Variants in INPP5A observed in about 807,000 individuals in gnomAD.
The protein encoded by INPP5A is inositol polyphosphate-5-phosphatase A, also known as 43 kDa inositol polyphosphate 5-phophatase.
In INPP5A, 14 loss-of-function variants were observed where a neutral mutation model predicts 65.2. That is an observed-to-expected ratio of 0.21 (90% CI 0.14 to 0.34). INPP5A has a LOEUF of 0.34. Ranked by LOEUF, INPP5A falls within the 10% of genes least tolerant of loss-of-function variation. The pLI, the probability that INPP5A is intolerant of heterozygous loss-of-function variation, is 1.00. For synonymous variants in INPP5A, 207 were observed against 208.3 expected (o/e 0.99, Z 0.05); for missense variants, 431 against 545.6 (o/e 0.79, Z 2.09).
At chr10:132,557,660 G>A (rs1319820081) in intron 1 of INPP5A, among the ~76,000 whole-genome samples, 1 of 152,204 alleles carries the variant, frequency 6.6e-6, no homozygotes, top group African/African-American at 2.4e-5. Context: ...CAGACTTAGG[G>A]TGTAACCACA....
intron 9 of INPP5A, among the ~76,000 whole-genome samples, chr10:132,737,195 C>T (rs189050264): frequency 2.6e-5 from 4 of 152,364 alleles, no homozygotes; most frequent in East Asian, 3.9e-4. Flanking sequence ...ATCCCACAGC[C>T]ATGAGCGGAC....
At chr10:132,702,514 T>C (rs978128515) in intron 6 of INPP5A, among the ~76,000 whole-genome samples, 1 of 152,220 alleles carries the variant, frequency 6.6e-6, no homozygotes, top group Admixed American at 6.5e-5. Flanking sequence ...ATGCCTTCCA[T>C]TTTTAATGGA....
chr10:132,617,888 CAT>C (rs1252378322), intron 2 of INPP5A, among the ~76,000 whole-genome samples: 2 of 152,232 alleles, frequency 1.3e-5, no homozygotes, highest in East Asian at 1.9e-4. Flanking sequence ...GCAGCAGACA[CAT>C]GTGCGTACAG....
In INPP5A at chr10:132,753,307, A is replaced by T. The variant is rs1165523651; in HGVS notation, c.903+3462A>T. Among the ~76,000 whole-genome samples the T allele has an allele frequency of 3.3e-5, 5 of 152,022 alleles. No individual in the cohort carries two copies. Among genetic ancestry groups the T allele is most frequent in the African/African-American group, 1.2e-4 (5 of 41,454 alleles). ...TCCACGGTCCGGTTAAACACACAGC[A>T]CCGCAGCCATGGAGAGCAAACTCTC... On this transcript the variant is annotated intron_variant, in intron 11 of 15. Coordinates refer to ENST00000368594, the MANE Select transcript of INPP5A (RefSeq NM_005539.5). This position sits in a 1 kb window ranked among gnomAD's most constrained non-coding sequence, Gnocchi z 5.3.
chr10:132,744,560 A>C (rs1269033559), intron 9 of INPP5A, among the ~76,000 whole-genome samples: 1 of 152,104 alleles, frequency 6.6e-6, no homozygotes, highest in Non-Finnish European at 1.5e-5. Flanking sequence ...AGTTTGGAGG[A>C]AAAAAGCCTT....
rs557172070 is a variant in INPP5A at position 132,775,497 on chromosome 10, C to G, written c.978-2174C>G. ...AGCGGTTGTGTGCAGTCCACACTGGCCTTCCCCAGACCCAGCTGGAACCAG... is the reference window on the plus strand; with the variant it reads ...AGCGGTTGTGTGCAGTCCACACTGGGCTTCCCCAGACCCAGCTGGAACCAG... On this transcript the variant is annotated intron_variant, in intron 12 of 15. Coordinates refer to ENST00000368594, the MANE Select transcript of INPP5A (RefSeq NM_005539.5). 1.1e-3 allele frequency among the ~76,000 whole-genome samples: 166 copies of G among 152,244 alleles called. 1 individual carries two copies. Among genetic ancestry groups the G allele is most frequent in the Non-Finnish European group, 1.5e-3 (103 of 67,988 alleles).
chr10:132,752,415 G>A (rs1184734577), intron 11 of INPP5A, among the ~76,000 whole-genome samples: 3 of 150,674 alleles, frequency 2.0e-5, no homozygotes, highest in South Asian at 2.1e-4. Flanking sequence ...GGAGTGGGGT[G>A]CGGCATGGAG....
At chr10:132,541,777 A>G (rs971618003) in intron 1 of INPP5A, among the ~76,000 whole-genome samples, 1 of 152,178 alleles carries the variant, frequency 6.6e-6, no homozygotes, top group African/African-American at 2.4e-5. Context: ...AACCTGTGAA[A>G]AGGCCTCCTC....
At chr10:132,601,880 G>GT (rs2071781340) in intron 1 of INPP5A, among the ~76,000 whole-genome samples, 1 of 152,166 alleles carries the variant, frequency 6.6e-6, no homozygotes, top group Admixed American at 6.5e-5. Context: ...TTAGGTTGTA[G>GT]TAAGTTCCAC....
chr10:132,577,480 A>T (rs905852084), intron 1 of INPP5A, among the ~76,000 whole-genome samples: 1 of 152,226 alleles, frequency 6.6e-6, no homozygotes, highest in Non-Finnish European at 1.5e-5. Flanking sequence ...AGGGAACGGG[A>T]CATGGCCATG....
chr10:132,602,936 C>T (rs921081591), intron 1 of INPP5A, among the ~76,000 whole-genome samples: 1 of 152,146 alleles, frequency 6.6e-6, no homozygotes, highest in Non-Finnish European at 1.5e-5. Flanking sequence ...CAGCAATTTG[C>T]TTATTTTCTC....
intron 8 of INPP5A, 142 bp from the exon 9 acceptor site, chr10:132,726,677 CAA>C (rs1445656770): frequency 1.7e-6 from 1 of 603,762 alleles, no homozygotes; most frequent in Admixed American, 2.9e-5. Flanking sequence ...TTTGGGTGTG[CAA>C]AGAGGCAACC....
At chr10:132,557,941 G>A (rs1157533051) in intron 1 of INPP5A, among the ~76,000 whole-genome samples, 3 of 152,196 alleles carry the variant, frequency 2.0e-5, no homozygotes, top group African/African-American at 7.2e-5. Context: ...CCGCGTGCCC[G>A]CCTCCTGCTG....
intron 1 of INPP5A, among the ~76,000 whole-genome samples, chr10:132,578,452 C>A (rs749113630): frequency 8.9e-6 from 1 of 112,326 alleles, no homozygotes; most frequent in Non-Finnish European, 1.9e-5. Context: ...TGAAGGTGAG[C>A]AAGACCTTGC....
At chr10:132,642,078 C>T (rs1452522352) in intron 2 of INPP5A, among the ~76,000 whole-genome samples, 1 of 152,196 alleles carries the variant, frequency 6.6e-6, no homozygotes, top group East Asian at 1.9e-4. Context: ...AAAGGAGGTT[C>T]ACAAAGCCAT....
chr10:132,734,049 C>T (rs2134601001), intron 9 of INPP5A, among the ~76,000 whole-genome samples: 1 of 152,374 alleles, frequency 6.6e-6, no homozygotes, highest in Admixed American at 6.5e-5. Flanking sequence ...TGGCACCAGG[C>T]TCAGTGCAGC....
intron 1 of INPP5A, among the ~76,000 whole-genome samples, chr10:132,605,275 A>C (rs1315266075): frequency 1.1e-4 from 4 of 37,778 alleles, no homozygotes; most frequent in Non-Finnish European, 1.5e-4. Context: ...GGGGCTGGGG[A>C]TGGGGAGTGG....
chr10:132,586,725 G>A (rs1329306604), intron 1 of INPP5A, among the ~76,000 whole-genome samples: 2 of 152,352 alleles, frequency 1.3e-5, no homozygotes, highest in South Asian at 4.1e-4. Flanking sequence ...CTTCCCTCCC[G>A]CTGAATTTCC....
At chr10:132,629,201 C>T (rs191646906) in intron 2 of INPP5A, among the ~76,000 whole-genome samples, 85 of 152,298 alleles carry the variant, frequency 5.6e-4, no homozygotes, top group Non-Finnish European at 1.0e-3. Context: ...CTTTAAGCTA[C>T]CTGGTGTTAT....
Sources: gnomAD v4.1 joint callset for allele counts (sites outside exome capture counted in the v4.1 genomes callset) on GRCh38, gnomAD v4.1.1 for gene constraint, Gnocchi (gnomAD v3.1) non-coding constraint, MANE v1.5 for transcripts, NCBI Gene and HGNC (gene_info 2026-07-23, HGNC 2026-07-21) for gene names.